The following NPAS2 variants were observed in gnomAD, a reference collection of about 807,000 sequenced individuals.
The protein encoded by NPAS2 is neuronal PAS domain protein 2, also known as neuronal PAS domain-containing protein 2.
NPAS2 carries 23 observed loss-of-function variants against 107.5 expected under a neutral mutation model. The observed-to-expected ratio is 0.21, with a 90% CI of 0.15 to 0.30. The LOEUF is 0.30. NPAS2 is among the 10% of genes least tolerant of loss of function. NPAS2 has a pLI of 1.00. For synonymous variants in NPAS2, 403 were observed against 417.5 expected, an observed-to-expected ratio of 0.97 and a Z score of 0.42; for missense variants, 756 against 1,043.3, an observed-to-expected ratio of 0.72 and a Z score of 3.79.
In NPAS2 at chr2:100,996,071, T is replaced by A; in HGVS notation, c.*489T>A. The stretch of plus-strand genomic sequence containing the variant: ...TATTTTTAAATGGTTGTTTTTGTTT[T>A]AATTTGCACAGCTACACAGAGGAAA... On this transcript the variant is annotated 3_prime_UTR_variant, in exon 21 of 21. Coordinates refer to ENST00000335681, the MANE Select transcript of NPAS2 (RefSeq NM_002518.4). 1.2e-6 allele frequency: 1 copy of A among 812,248 alleles called. No individual in the cohort carries two copies. The highest frequency in any genetic ancestry group is 1.7e-6 in the Non-Finnish European group (1 of 603,300). The allele number at this position is 812,248 out of a possible 1,614,324, so 50.3% of individuals were successfully genotyped here.
chr2:100,864,738 G>C (rs766208076), intron 1 of NPAS2, among the ~76,000 whole-genome samples: 5 of 152,228 alleles, frequency 3.3e-5, no homozygotes, highest in African/African-American at 4.8e-5. Flanking sequence ...TAGAGCAGCA[G>C]TTCCCAAACT....
intron 1 of NPAS2, among the ~76,000 whole-genome samples, chr2:100,863,828 G>C (rs1320246915): frequency 1.3e-5 from 2 of 151,972 alleles, no homozygotes; most frequent in African/African-American, 4.8e-5. Context: ...AGCCCTCCTT[G>C]CATTCCACTT....
intron 10 of NPAS2, among the ~76,000 whole-genome samples, chr2:100,966,924 GGAA>G (rs1296834305): frequency 2.0e-5 from 3 of 152,090 alleles, no homozygotes; most frequent in Non-Finnish European, 4.4e-5. Flanking sequence ...GGAGAGGGAA[GGAA>G]GAATAGGCTT....
chr2:100,865,255 G>A (rs752161760), intron 1 of NPAS2, among the ~76,000 whole-genome samples: 2 of 152,152 alleles, frequency 1.3e-5, no homozygotes, highest in Admixed American at 6.5e-5. Context: ...ACTCAACTAC[G>A]AATCTGTTCT....
At chr2:100,979,142 T>G (rs1183611233) in intron 15 of NPAS2, among the ~76,000 whole-genome samples, 1 of 152,176 alleles carries the variant, frequency 6.6e-6, no homozygotes, top group Non-Finnish European at 1.5e-5. Context: ...TGCTAACGCG[T>G]GCTGCTTGCC....
At chr2:100,872,627 C>T (rs963394746) in intron 1 of NPAS2, among the ~76,000 whole-genome samples, 4 of 152,076 alleles carry the variant, frequency 2.6e-5, no homozygotes, top group African/African-American at 9.7e-5. Flanking sequence ...CCTACTGAGG[C>T]TATTTATAAA....
Position 100,879,258 on chromosome 2 carries a change from C to T in NPAS2, c.-22-25475C>T, listed in dbSNP as rs141921494. Among the ~76,000 whole-genome samples, 1,398 of 152,098 alleles carry T rather than the reference C, an allele frequency of 9.2e-3. 7 individuals carry two copies. The highest frequency in any genetic ancestry group is 0.013 in the Non-Finnish European group (873 of 68,004). ...ATGTTATTGTATTTAGGGTTTACAA[C>T]GTATTACGGGATATGTATAGACAGG... On this transcript the variant is annotated intron_variant, in intron 1 of 20. Transcript: ENST00000335681.
rs1300502768 is a variant in NPAS2 at position 100,976,037 on chromosome 2, C to G, written c.1392+470C>G. Among the ~76,000 whole-genome samples the G allele has an allele frequency of 2.6e-5, 4 of 152,198 alleles. No homozygotes were observed. Among genetic ancestry groups the G allele is most frequent in the Non-Finnish European group, 4.4e-5 (3 of 68,034 alleles). ...ATGGCCCTGGCTATATGTAAAGTCA[C>G]TGGCATGCACCACTCTGGTCATCTA... is the stretch of plus-strand genomic sequence containing the variant. On this transcript the variant is annotated intron_variant, in intron 14 of 20. Transcript: ENST00000335681. This position sits in a 1 kb window ranked among gnomAD's most constrained non-coding sequence, Gnocchi z 4.1.
At chr2:100,878,429 GACATGAGAAAGACCC>G in intron 1 of NPAS2, 3 of 985,394 alleles carry the variant, frequency 3.0e-6, no homozygotes, top group Non-Finnish European at 2.4e-6. Context: ...GTTGGACAAG[GACATGAGAAAGACCC>G]ACAGCAACAA....
chr2:100,849,715 G>T (rs544219253), intron 1 of NPAS2, among the ~76,000 whole-genome samples: 290 of 152,250 alleles, frequency 1.9e-3, no homozygotes, highest in Non-Finnish European at 3.3e-3. Context: ...GTGCCAGCAG[G>T]TTTCTCAGGG....
intron 1 of NPAS2, among the ~76,000 whole-genome samples, chr2:100,850,707 C>T (rs1467281953): frequency 6.6e-6 from 1 of 152,002 alleles, no homozygotes; most frequent in East Asian, 1.9e-4. Flanking sequence ...AATCCCAGCA[C>T]TTTAGGAGGC....
chr2:100,856,728 G>T (rs1260621730), intron 1 of NPAS2, among the ~76,000 whole-genome samples: 1 of 151,200 alleles, frequency 6.6e-6, no homozygotes, highest in Non-Finnish European at 1.5e-5. Context: ...CGGGGGCGGG[G>T]GCATGTGTTT....
chr2:100,942,822 A>T (rs1674655760), intron 5 of NPAS2, among the ~76,000 whole-genome samples: 1 of 152,178 alleles, frequency 6.6e-6, no homozygotes, highest in Admixed American at 6.5e-5. Context: ...TTCACCGTGT[A>T]TAAATGGAAT....
chr2:100,901,489 G>A, intron 1 of NPAS2: 1 of 984,722 alleles, frequency 1.0e-6, no homozygotes, highest in Non-Finnish European at 1.2e-6. Context: ...AGAACTGGAA[G>A]AGCCCCAGAG....
chr2:100,871,915 T>G (rs1410874492), intron 1 of NPAS2, among the ~76,000 whole-genome samples: 1 of 152,192 alleles, frequency 6.6e-6, no homozygotes, highest in East Asian at 1.9e-4. Flanking sequence ...TTCATGGGTC[T>G]TCTGTTGCAG....
intron 2 of NPAS2, among the ~76,000 whole-genome samples, chr2:100,910,846 C>T (rs557014710): frequency 1.1e-4 from 16 of 152,226 alleles, no homozygotes; most frequent in Admixed American, 1.0e-3. Context: ...TCTTCTTACA[C>T]CAAACTTCTT....
rs1237270821 is a variant in NPAS2 at position 100,968,211 on chromosome 2, A to G, written c.908-70A>G. On this transcript the variant is annotated intron_variant, in intron 10 of 20. Coordinates refer to ENST00000335681, the MANE Select transcript of NPAS2 (RefSeq NM_002518.4). This position sits in a 1 kb window ranked among gnomAD's most constrained non-coding sequence, Gnocchi z 5.3. ...TTTTTTTTGAAAGCTTATCTTTACA[A>G]TAACTCTTGGGGAAAAGATCATTTT... The G allele has an allele frequency of 8.6e-6, 13 of 1,514,012 alleles. No individual in the cohort carries two copies. The East Asian group carries it at 9.1e-5, about 11-fold the overall frequency. 93.8% of individuals were successfully genotyped at this position (1,514,012 alleles called of 1,614,324 possible).
chr2:100,961,884 A>G (rs1675936075), intron 7 of NPAS2, among the ~76,000 whole-genome samples: 2 of 152,198 alleles, frequency 1.3e-5, no homozygotes, highest in African/African-American at 4.8e-5. Context: ...AGGCCCTCAG[A>G]AGTTTGTTTG....
intron 1 of NPAS2, 110 bp from the exon 2 acceptor site, chr2:100,904,623 G>A: frequency 1.3e-6 from 1 of 765,090 alleles, no homozygotes; most frequent in Non-Finnish European, 2.1e-6. Context: ...ACAAGTTTGA[G>A]AACCACTGGG....
Sources: gnomAD v4.1 joint callset for allele counts (sites outside exome capture counted in the v4.1 genomes callset) on GRCh38, gnomAD v4.1.1 for gene constraint, Gnocchi (gnomAD v3.1) non-coding constraint, MANE v1.5 for transcripts, NCBI Gene and HGNC (gene_info 2026-07-23, HGNC 2026-07-21) for gene names.